Variants in RANBP2 observed in about 807,000 individuals in gnomAD.
The protein encoded by RANBP2 is RAN binding protein 2, also known as E3 SUMO-protein ligase RanBP2.
In RANBP2, 57 loss-of-function variants were observed where a neutral mutation model predicts 303.6. That is an observed-to-expected ratio of 0.19 (90% confidence interval 0.15 to 0.23). The LOEUF (loss-of-function observed/expected upper bound fraction) is 0.23, where lower values mean the gene tolerates loss of function less well. Ranked by LOEUF, RANBP2 falls within the 10% of genes least tolerant of loss-of-function variation. The pLI is 1.00. For missense variants in RANBP2, 3,138 were observed against 3,780.8 expected (o/e 0.83, Z 4.46); for synonymous variants, 1,167 against 1,301.5 (o/e 0.90, Z 2.23).
chr2:108,739,004 C>T (rs1324481161), intron 6 of RANBP2, among the ~76,000 whole-genome samples: 3 of 152,118 alleles, frequency 2.0e-5, no homozygotes, highest in Admixed American at 2.0e-4. Flanking sequence ...ATTGCTTTTG[C>T]ATTTTTGTGA....
the RANBP2 span, chr2:109,432,471 A>G: frequency 6.2e-7 from 1 of 1,611,048 alleles, no homozygotes; most frequent in South Asian, 1.1e-5. Flanking sequence ...GAGGGCTCCC[A>G]CTGACACTGG....
chr2:108,794,823 G>A, the RANBP2 span: 1 of 944,534 alleles, frequency 1.1e-6, no homozygotes, highest in Non-Finnish European at 1.6e-6. Context: ...AATTACTTTA[G>A]ATAAGTTTGT....
the RANBP2 span, among the ~76,000 whole-genome samples, chr2:109,357,061 T>A: frequency 2.0e-4 from 30 of 151,052 alleles, no homozygotes; most frequent in Admixed American, 1.3e-3. Flanking sequence ...CTTTTTAAAA[T>A]TTTTTTTTAT....
the RANBP2 span, among the ~76,000 whole-genome samples, chr2:109,057,498 C>G: frequency 6.6e-6 from 1 of 152,132 alleles, no homozygotes; most frequent in African/African-American, 2.4e-5. Context: ...ATTGCGGAGT[C>G]GAAGGGCAAA....
chr2:109,116,092 T>C, the RANBP2 span, among the ~76,000 whole-genome samples: 1 of 152,320 alleles, frequency 6.6e-6, no homozygotes, highest in African/African-American at 2.4e-5. Context: ...CTTTGGTGAA[T>C]CTGACAATTA....
chr2:109,446,084 C>T, the RANBP2 span, among the ~76,000 whole-genome samples: 30 of 152,182 alleles, frequency 2.0e-4, no homozygotes, highest in Non-Finnish European at 3.5e-4. Flanking sequence ...GCATCACTAA[C>T]GAGTAGTCCC....
chr2:108,763,128 A>T, intron 19 of RANBP2, 109 bp from the exon 20 acceptor site: 1 of 1,256,218 alleles, frequency 8.0e-7, no homozygotes, highest in Non-Finnish European at 1.1e-6. Context: ...CCCTAATGAG[A>T]TCTTCTTCAC....
At chr2:109,667,058 A>C in the RANBP2 span, 8 of 611,386 alleles carry the variant, frequency 1.3e-5, no homozygotes, top group Non-Finnish European at 2.0e-5. Context: ...ATCCAGTGAG[A>C]AGGTTTTGTG....
chr2:109,221,581 CAAAAAAAA>C, the RANBP2 span, among the ~76,000 whole-genome samples: 135 of 63,346 alleles, frequency 2.1e-3, no homozygotes, highest in African/African-American at 5.7e-3. Context: ...GACTCCATCT[CAAAAAAAA>C]AAAAAAAAAA....
At chr2:108,815,159 A>G in the RANBP2 span, among the ~76,000 whole-genome samples, 1 of 152,192 alleles carries the variant, frequency 6.6e-6, no homozygotes, top group African/African-American at 2.4e-5. Flanking sequence ...ATTGAATGAT[A>G]TACTGGAAAG....
the RANBP2 span, among the ~76,000 whole-genome samples, chr2:109,653,831 T>C: frequency 3.3e-5 from 5 of 152,194 alleles, no homozygotes; most frequent in Non-Finnish European, 5.9e-5. Context: ...AACAAACTGC[T>C]AGGGCCTTTT....
intron 25 of RANBP2, among the ~76,000 whole-genome samples, chr2:108,779,862 A>G (rs1290538539): frequency 6.6e-6 from 1 of 152,176 alleles, no homozygotes; most frequent in Non-Finnish European, 1.5e-5. Context: ...CACCAGCCCA[A>G]CCAAGAAATC....
the RANBP2 span, among the ~76,000 whole-genome samples, chr2:109,250,549 T>C: frequency 1.3e-5 from 2 of 152,110 alleles, no homozygotes; most frequent in East Asian, 1.9e-4. Context: ...TGACCGTTTT[T>C]CTTTTTCAAA....
the RANBP2 span, among the ~76,000 whole-genome samples, chr2:109,562,251 A>G: frequency 6.6e-6 from 1 of 151,746 alleles, no homozygotes; most frequent in Non-Finnish European, 1.5e-5. Context: ...AATTTAAAAA[A>G]ATACATGTCT....
the RANBP2 span, chr2:108,910,912 C>T: frequency 1.2e-6 from 2 of 1,613,956 alleles, no homozygotes; most frequent in South Asian, 2.2e-5. Context: ...ACGGAGAGTC[C>T]AGGAAGCAGG....
the RANBP2 span, among the ~76,000 whole-genome samples, chr2:109,565,400 C>A: frequency 6.6e-6 from 1 of 152,146 alleles, no homozygotes; most frequent in East Asian, 1.9e-4. Flanking sequence ...AAATAGCCGG[C>A]AATACTTTGA....
the RANBP2 span, among the ~76,000 whole-genome samples, chr2:109,063,803 A>AAC: frequency 8.9e-5 from 13 of 146,712 alleles, no homozygotes; most frequent in Admixed American, 4.0e-4. Context: ...AGTAATAGAA[A>AAC]AAAAAAAAAC....
chr2:109,153,368 G>A, the RANBP2 span, among the ~76,000 whole-genome samples: 1 of 152,086 alleles, frequency 6.6e-6, no homozygotes, highest in Non-Finnish European at 1.5e-5. Context: ...AAAAAAATTT[G>A]TATTTTTGCT....
chr2:109,658,038 A>G, the RANBP2 span, among the ~76,000 whole-genome samples: 1 of 151,966 alleles, frequency 6.6e-6, no homozygotes, highest in African/African-American at 2.4e-5. Flanking sequence ...TTATTATAAT[A>G]GTTATTTGAT....
Sources: allele counts gnomAD v4.1 joint callset (sites outside exome capture counted in the v4.1 genomes callset), GRCh38; gene constraint gnomAD v4.1.1; transcripts MANE v1.5; gene names NCBI Gene and HGNC (gene_info 2026-07-23, HGNC 2026-07-21).